The following PTPRD variants were observed in gnomAD, a reference collection of about 807,000 sequenced individuals.
PTPRD encodes protein tyrosine phosphatase receptor type D.
Under a neutral mutation model 214.5 loss-of-function variants are expected in PTPRD, and 34 were observed. The ratio of observed to expected loss-of-function variants is 0.16; its 90% CI spans 0.12 to 0.21. PTPRD has a LOEUF of 0.21. Among genes scored for constraint, PTPRD ranks in the 10% least tolerant of loss-of-function variants. The pLI is 1.00. For synonymous variants in PTPRD, 1,128 were observed against 845.7 expected (o/e 1.33, Z -5.79); for missense variants, 2,545 against 2,398.7 (o/e 1.06, Z -1.27).
Position 9,884,257 on chromosome 9 carries a change from C to T in PTPRD, c.-368+54250G>A, listed in dbSNP as rs545426655. On this transcript the variant is annotated intron_variant, in intron 5 of 45. Transcript: ENST00000381196. ...GAAGAATGGAATGAGGGATAAGACA[C>T]AGAGTTCAGTCTTTCCAACTTCATA... 9.2e-5 allele frequency among the ~76,000 whole-genome samples: 14 copies of T among 152,242 alleles called. 1 individual carries two copies. The South Asian group carries it at 2.7e-3, about 29-fold the overall frequency.
intron 3 of PTPRD, among the ~76,000 whole-genome samples, chr9:10,121,222 G>C (rs702127): frequency 0.42 from 64,119 of 151,914 alleles, 14,853 homozygotes; most frequent in Middle Eastern, 0.55. Context: ...AATTTATAGA[G>C]ACTGTTTTAA....
chr9:10,402,308 A>G (rs1197866025), intron 2 of PTPRD, among the ~76,000 whole-genome samples: 2 of 151,726 alleles, frequency 1.3e-5, no homozygotes, highest in Non-Finnish European at 3.0e-5. Flanking sequence ...TTATACTTCT[A>G]TGAACTCTCT....
chr9:10,572,440 T>C (rs1025369726), intron 2 of PTPRD, among the ~76,000 whole-genome samples: 1 of 152,126 alleles, frequency 6.6e-6, no homozygotes, highest in Non-Finnish European at 1.5e-5. Context: ...ATATCACACT[T>C]TGAAGAAAGT....
intron 27 of PTPRD, among the ~76,000 whole-genome samples, chr9:8,489,942 G>T (rs540654794): frequency 2.0e-5 from 3 of 152,284 alleles, no homozygotes; most frequent in African/African-American, 7.2e-5. Context: ...CAGGGTCCAT[G>T]TTCTCTAATA....
chr9:10,031,681 C>CAT (rs371760115), intron 4 of PTPRD, among the ~76,000 whole-genome samples: 5,154 of 133,288 alleles, frequency 0.039, 198 homozygotes, highest in Admixed American at 0.076. Flanking sequence ...CACACACACA[C>CAT]ATATCCTATT....
In PTPRD at chr9:8,504,335, A is replaced by C; in HGVS notation, c.1748T>G (p.Phe583Cys). 1 of 1,614,168 alleles carries C rather than the reference A, an allele frequency of 6.2e-7. No individual in the cohort carries two copies. The highest frequency in any genetic ancestry group is 1.3e-5 in the African/African-American group (1 of 75,062). Residue 583 changes from phenylalanine to cysteine, a missense_variant, in exon 23 of 46, where the codon TTC becomes TGC. Coordinates refer to ENST00000381196, the MANE Select transcript of PTPRD (RefSeq NM_002839.4). The part of the protein sequence containing the change: ...QGLKPNSLYY[F>C]RLAARSPQGL... ...TTGAGGGGAGCGTGCAGCCAGACGG[A>C]AATAGTATAAGCTGTTTGGTTTCAG...
intron 3 of PTPRD, among the ~76,000 whole-genome samples, chr9:10,147,242 A>G (rs537403103): frequency 5.6e-4 from 84 of 151,350 alleles, no homozygotes; most frequent in African/African-American, 1.9e-3. Context: ...GGAGGAGAAA[A>G]TGTGAAAAAC....
intron 10 of PTPRD, among the ~76,000 whole-genome samples, chr9:9,045,796 A>G (rs2099670777): frequency 6.6e-6 from 1 of 152,168 alleles, no homozygotes; most frequent in Non-Finnish European, 1.5e-5. Context: ...AGGAAAAAAA[A>G]GTAGATGATC....
intron 7 of PTPRD, among the ~76,000 whole-genome samples, chr9:9,593,463 G>A (rs190937242): frequency 9.2e-5 from 14 of 151,980 alleles, no homozygotes; most frequent in East Asian, 5.8e-4. Context: ...GTTGTTGCTC[G>A]GATTTTATAG....
At chr9:9,069,445 A>G (rs2099740538) in intron 10 of PTPRD, among the ~76,000 whole-genome samples, 2 of 152,184 alleles carry the variant, frequency 1.3e-5, no homozygotes, top group Non-Finnish European at 2.9e-5. Flanking sequence ...TAATTTTAAG[A>G]AATGGGATTA....
intron 8 of PTPRD, among the ~76,000 whole-genome samples, chr9:9,461,874 C>A (rs531438300): frequency 1.4e-4 from 22 of 152,266 alleles, no homozygotes; most frequent in African/African-American, 5.3e-4. Flanking sequence ...ACTTCTGATC[C>A]TTCAGGTCTC....
At chr9:9,222,668 A>G (rs537863573) in intron 9 of PTPRD, among the ~76,000 whole-genome samples, 2 of 152,202 alleles carry the variant, frequency 1.3e-5, no homozygotes, top group African/African-American at 2.4e-5. Context: ...ATCTTTGCCA[A>G]TGAGAAACAA....
intron 11 of PTPRD, chr9:8,962,969 G>A (rs947042633): frequency 2.6e-5 from 4 of 152,030 alleles, no homozygotes; most frequent in Non-Finnish European, 2.9e-5. Context: ...AGATTTCCCA[G>A]CAGCACTGTT....
chr9:8,388,075 T>C (rs1336197074), intron 37 of PTPRD, among the ~76,000 whole-genome samples: 1 of 152,216 alleles, frequency 6.6e-6, no homozygotes, highest in African/African-American at 2.4e-5. Context: ...ATCTAATTGC[T>C]TTTTAGTTTT....
intron 39 of PTPRD, among the ~76,000 whole-genome samples, chr9:8,349,525 G>T (rs2074837771): frequency 6.6e-6 from 1 of 152,078 alleles, no homozygotes; most frequent in Admixed American, 6.6e-5. Flanking sequence ...ACCCTATTTA[G>T]TGCTGTTTGT....
At chr9:10,337,689 A>G (rs1010482716) in intron 3 of PTPRD, among the ~76,000 whole-genome samples, 8 of 151,776 alleles carry the variant, frequency 5.3e-5, no homozygotes, top group African/African-American at 1.9e-4. Flanking sequence ...ATTTATACTT[A>G]TGTGTCAGGA....
chr9:8,782,596 C>CTTTTTTT (rs35513651), intron 11 of PTPRD, among the ~76,000 whole-genome samples: 1 of 117,364 alleles, frequency 8.5e-6, no homozygotes, highest in Non-Finnish European at 1.8e-5. Context: ...ATACTTAACG[C>CTTTTTTT]TTTTTTTTTT....
At chr9:8,578,027 C>A (rs1255743284) in intron 14 of PTPRD, among the ~76,000 whole-genome samples, 1 of 152,090 alleles carries the variant, frequency 6.6e-6, no homozygotes, top group East Asian at 1.9e-4. Context: ...TTGTTGAATA[C>A]AGAGCAAATA....
At chr9:9,402,147 A>G (rs1435581168) in intron 8 of PTPRD, among the ~76,000 whole-genome samples, 6 of 152,136 alleles carry the variant, frequency 3.9e-5, no homozygotes, top group Non-Finnish European at 7.4e-5. Flanking sequence ...ATCTTAATGC[A>G]AAACATATTT....
Sources: gnomAD v4.1 joint callset for allele counts (sites outside exome capture counted in the v4.1 genomes callset) on GRCh38, gnomAD v4.1.1 for gene constraint, MANE v1.5 for transcripts, NCBI Gene and HGNC (gene_info 2026-07-23, HGNC 2026-07-21) for gene names.